Variants in RNF10 observed in about 807,000 individuals in gnomAD.
The protein encoded by RNF10 is ring finger protein 10.
RNF10 carries 38 observed loss-of-function variants against 91.4 expected under a neutral mutation model. That is an observed-to-expected ratio of 0.42 (90% CI 0.32 to 0.54). RNF10 has a LOEUF of 0.54. Ranked by LOEUF, RNF10 falls within the 20% of genes least tolerant of loss-of-function variation. The pLI is 0.16. For synonymous variants in RNF10, 364 were observed against 366.3 expected (o/e 0.99, Z 0.07); for missense variants, 945 against 1,012.0 (o/e 0.93, Z 0.90).
intron 7 of RNF10, among the ~76,000 whole-genome samples, chr12:120,562,003 TA>T (rs780489515): frequency 6.6e-5 from 10 of 152,166 alleles, no homozygotes; most frequent in Non-Finnish European, 1.2e-4. Context: ...GATTCTCTTT[TA>T]TTTTTTTTAA....
At chr12:120,535,960 T>C (rs1870721001) in intron 1 of RNF10, among the ~76,000 whole-genome samples, 1 of 152,198 alleles carries the variant, frequency 6.6e-6, no homozygotes, top group South Asian at 2.1e-4. Flanking sequence ...GTGTTCTTCA[T>C]TTTATTTCGA....
intron 6 of RNF10, among the ~76,000 whole-genome samples, chr12:120,559,997 C>T (rs1274074107): frequency 6.6e-6 from 1 of 151,896 alleles, no homozygotes; most frequent in Admixed American, 6.6e-5. Flanking sequence ...CTGGCTTGGT[C>T]TTAAACTTCT....
chr12:120,569,110 CAGGCATATGCCACCAT>C (rs1876207909), intron 13 of RNF10, among the ~76,000 whole-genome samples: 1 of 152,090 alleles, frequency 6.6e-6, no homozygotes, highest in Admixed American at 6.5e-5. Flanking sequence ...GTTTGGATTA[CAGGCATATGCCACCAT>C]GCCTGGCTAA....
At position 120,560,767 on chromosome 12, in the gene RNF10, A is replaced by G. The variant is rs1310740600; in HGVS notation, c.1009A>G (p.Lys337Glu). The G allele has an allele frequency of 1.2e-6, 2 of 1,613,986 alleles. No homozygotes were observed. The highest frequency in any genetic ancestry group is 1.7e-6 in the Non-Finnish European group (2 of 1,180,006). ...GTACTCCAAGTTGCTGCTGGCCTCT[A>G]AGGAGCAGGTGCTGCACCGGGTAGT... Reference protein sequence around the residue: ...SQYSKLLLASKEQVLHRVVLE... With the variant: ...SQYSKLLLASEEQVLHRVVLE... Residue 337 changes from lysine to glutamate, a missense_variant, in exon 7 of 17, where the codon AAG (lysine) becomes GAG (glutamate). By Grantham distance (56) the Lys-to-Glu change is moderately conservative (BLOSUM62 1). Transcript: ENST00000325954.
In RNF10 at chr12:120,552,726, G is replaced by A. The variant is rs750357392; in HGVS notation, c.554+28G>A. On this transcript the variant is annotated intron_variant, in intron 3 of 16. Transcript: ENST00000325954. ...GAGTATTGCTACCCCTCAGAGGAAA[G>A]GGAAAGTAGGACTCTCCGGATAGCT... 6.2e-6 allele frequency: 10 copies of A among 1,601,582 alleles called. No individual in the cohort carries two copies. In the South Asian group the frequency reaches 7.7e-5, roughly 12 times the overall value.
intron 3 of RNF10, 43 bp downstream of exon 3, chr12:120,552,741 T>C: frequency 6.4e-7 from 1 of 1,567,738 alleles, no homozygotes; most frequent in Non-Finnish European, 8.7e-7. Context: ...AGTAGGACTC[T>C]CCGGATAGCT....
intron 1 of RNF10, among the ~76,000 whole-genome samples, chr12:120,535,834 C>A (rs548490902): frequency 6.6e-6 from 1 of 152,078 alleles, no homozygotes; most frequent in African/African-American, 2.4e-5. Flanking sequence ...AAGTTTTTAC[C>A]TCTGTTTTCA....
chr12:120,541,972 T>G (rs1238197369), intron 1 of RNF10, among the ~76,000 whole-genome samples: 1 of 151,498 alleles, frequency 6.6e-6, no homozygotes, highest in African/African-American at 2.4e-5. Context: ...GTTCACACCG[T>G]TCTCCTGCCT....
chr12:120,536,198 G>C (rs1565940692), intron 1 of RNF10, among the ~76,000 whole-genome samples: 1 of 151,884 alleles, frequency 6.6e-6, no homozygotes, highest in Non-Finnish European at 1.5e-5. Context: ...GAGGTGGGAG[G>C]ATAGCTTGAG....
At chr12:120,563,699 C>A in intron 9 of RNF10, 76 bp downstream of exon 9, 2 of 1,570,198 alleles carry the variant, frequency 1.3e-6, no homozygotes, top group South Asian at 2.4e-5. Flanking sequence ...AGCAGAGGAG[C>A]GCCACTAGAT....
At chr12:120,544,888 TG>T (rs1872084161) in intron 1 of RNF10, among the ~76,000 whole-genome samples, 1 of 152,054 alleles carries the variant, frequency 6.6e-6, no homozygotes, top group Admixed American at 6.6e-5. Context: ...TATACAACAA[TG>T]GGGGATTGGT....
intron 4 of RNF10, among the ~76,000 whole-genome samples, chr12:120,556,866 T>C (rs1874103875): frequency 6.6e-6 from 1 of 151,976 alleles, no homozygotes; most frequent in African/African-American, 2.4e-5. Context: ...AGAGCTATCA[T>C]ACAAAGCCAG....
Position 120,546,638 on chromosome 12 carries a change from C to T in RNF10, c.354+37C>T, listed in dbSNP as rs1565948720. The T allele has an allele frequency of 1.9e-6, 3 of 1,570,340 alleles. No individual in the cohort carries two copies. The South Asian group carries it at 3.4e-5, about 18-fold the overall frequency. On this transcript the variant is annotated intron_variant, in intron 2 of 16. Coordinates refer to ENST00000325954, the MANE Select transcript of RNF10 (RefSeq NM_014868.5). ...GAGAATGTCCTTTCTAGAGCATAAGCATGAGATCTGATCCCATCCCCCGTC... is the reference window on the plus strand; with the variant it reads ...GAGAATGTCCTTTCTAGAGCATAAGTATGAGATCTGATCCCATCCCCCGTC...
chr12:120,535,844 A>G (rs1037905558), intron 1 of RNF10, among the ~76,000 whole-genome samples: 2 of 152,158 alleles, frequency 1.3e-5, no homozygotes, highest in African/African-American at 2.4e-5. Context: ...CTCTGTTTTC[A>G]CTGTGCCAGT....
chr12:120,573,585 C>CA (rs113333301), intron 14 of RNF10, among the ~76,000 whole-genome samples: 31,367 of 138,632 alleles, frequency 0.23, 5,148 homozygotes, highest in African/African-American at 0.48. Context: ...AGTCATTTAT[C>CA]AAAAAAAAAA....
chr12:120,542,772 C>T (rs1205397003), intron 1 of RNF10, among the ~76,000 whole-genome samples: 1 of 152,150 alleles, frequency 6.6e-6, no homozygotes, highest in Non-Finnish European at 1.5e-5. Flanking sequence ...AGGCTGGTCT[C>T]GAACTTCTGG....
rs186763474 is a variant in RNF10, at chr12:120,565,718, A to T, written c.1885+189A>T. On this transcript the variant is annotated intron_variant, in intron 12 of 16. Coordinates refer to ENST00000325954, the MANE Select transcript of RNF10 (RefSeq NM_014868.5). Reference sequence around the variant, plus strand: ...GTTAATATGGGTCAAAGTGCCTAGCACATAGTAAGGATTAAGAGGAAATTC... The same window carrying T: ...GTTAATATGGGTCAAAGTGCCTAGCTCATAGTAAGGATTAAGAGGAAATTC... Among the ~76,000 whole-genome samples, 26 of 152,372 alleles carry T rather than the reference A, an allele frequency of 1.7e-4. No individual in the cohort carries two copies. The East Asian group carries it at 4.6e-3, about 27-fold the overall frequency.
At chr12:120,555,331 G>GTGCA (rs1370202467) in intron 4 of RNF10, among the ~76,000 whole-genome samples, 1 of 145,344 alleles carries the variant, frequency 6.9e-6, no homozygotes, top group African/African-American at 2.6e-5. Context: ...ACAGGCACCC[G>GTGCA]CCACCACGCC....
At position 120,554,745 on chromosome 12, in the gene RNF10, A is replaced by G. The variant is rs766460552; in HGVS notation, c.582A>G (p.Gln194=). 1 of 1,613,956 alleles carries G rather than the reference A, an allele frequency of 6.2e-7. No homozygotes were observed. Among genetic ancestry groups the G allele is most frequent in the Non-Finnish European group, 8.5e-7 (1 of 1,179,934 alleles). The change falls in exon 4 of 17, where the codon CAA becomes CAG. Residue 194 remains glutamine (Q), a synonymous_variant. Transcript: ENST00000325954. ...GCCAATTTGTGGTGTCTGAAGACCAAGACTACACAGCTCATTTTGCTGATC... is the reference window on the plus strand; with the variant it reads ...GCCAATTTGTGGTGTCTGAAGACCAGGACTACACAGCTCATTTTGCTGATC... ...ANCQFVVSED[Q]DYTAHFADPD...
Sources: allele counts gnomAD v4.1 joint callset (sites outside exome capture counted in the v4.1 genomes callset), GRCh38; gene constraint gnomAD v4.1.1; transcripts MANE v1.5; gene names NCBI Gene and HGNC (gene_info 2026-07-23, HGNC 2026-07-21).